The following DLGAP2 variants were observed in gnomAD, a reference collection of about 807,000 sequenced individuals.
The protein encoded by DLGAP2 is disks large-associated protein 2.
A neutral mutation model predicts 100.3 loss-of-function variants in DLGAP2; 26 were observed. The observed-to-expected ratio is 0.26, with a 90% CI of 0.19 to 0.36. DLGAP2 has a LOEUF of 0.36. DLGAP2 is among the 10% of genes least tolerant of loss of function. The probability of loss-of-function intolerance (pLI) is 1.00; values close to 1 mark genes in which losing one functional copy is unlikely to be tolerated. For missense variants in DLGAP2, 1,858 were observed against 1,453.2 expected, an observed-to-expected ratio of 1.28 and a Z score of -4.53; for synonymous variants, 886 against 630.1, an observed-to-expected ratio of 1.41 and a Z score of -6.08.
At chr8:1,577,679 C>G (rs1159939116) in intron 6 of DLGAP2, among the ~76,000 whole-genome samples, 1 of 152,104 alleles carries the variant, frequency 6.6e-6, no homozygotes, top group African/African-American at 2.4e-5. Context: ...GAGGCTGCAG[C>G]CTGGTGTCCC....
intron 2 of DLGAP2, among the ~76,000 whole-genome samples, chr8:1,006,277 C>T (rs1020741598): frequency 9.9e-5 from 15 of 152,190 alleles, no homozygotes; most frequent in Non-Finnish European, 1.8e-4. Flanking sequence ...GAGGATTGTG[C>T]CTTTATCACA....
intron 3 of DLGAP2, among the ~76,000 whole-genome samples, chr8:1,358,069 C>A (rs977137660): frequency 6.6e-6 from 1 of 152,170 alleles, no homozygotes; most frequent in African/African-American, 2.4e-5. Flanking sequence ...GGGGCACAGG[C>A]AGCGTCAGAA....
At chr8:1,353,410 G>C (rs1411083008) in intron 3 of DLGAP2, among the ~76,000 whole-genome samples, 2 of 152,208 alleles carry the variant, frequency 1.3e-5, no homozygotes, top group Non-Finnish European at 2.9e-5. Context: ...TCAGTACCAT[G>C]GTCAATGAAT....
At chr8:1,689,159 G>A (rs575968901) in intron 12 of DLGAP2, among the ~76,000 whole-genome samples, 9 of 152,290 alleles carry the variant, frequency 5.9e-5, no homozygotes, top group Middle Eastern at 3.4e-3. Context: ...CCTCGGTTTC[G>A]ACTTCTGGAA....
At chr8:1,302,607 C>G (rs927147222) in intron 3 of DLGAP2, 1 of 152,284 alleles carries the variant, frequency 6.6e-6, no homozygotes, top group Non-Finnish European at 1.5e-5. Context: ...TCGGTATTTT[C>G]TGTAGGTTCC....
chr8:1,499,847 A>G (rs1799656374), intron 3 of DLGAP2, among the ~76,000 whole-genome samples: 1 of 152,156 alleles, frequency 6.6e-6, no homozygotes, highest in Non-Finnish European at 1.5e-5. Context: ...CCAAACCTCT[A>G]CGAACTTATT....
chr8:1,622,036 T>C (rs573998549), intron 6 of DLGAP2: 71 of 152,372 alleles, frequency 4.7e-4, no homozygotes, highest in Non-Finnish European at 7.8e-4. Context: ...ATCCAGTCAT[T>C]AATTGTGATA....
At chr8:868,497 C>T (rs1219821029) in intron 1 of DLGAP2, among the ~76,000 whole-genome samples, 1 of 152,240 alleles carries the variant, frequency 6.6e-6, no homozygotes, top group Admixed American at 6.5e-5. Context: ...CACTGTTTCA[C>T]AGCCCCACAG....
Position 1,307,767 on chromosome 8 carries a change from C to G in DLGAP2, c.106+48884C>G, listed in dbSNP as rs191571463. On this transcript the variant is annotated intron_variant, in intron 3 of 14. Transcript: ENST00000637795. ...TCCACAAAATGAAATTCGCCCGTCA[C>G]AAAAGGAGAGTGACTGTGATTCCCC... 2.0e-5 allele frequency among the ~76,000 whole-genome samples: 3 copies of G among 152,250 alleles called. No homozygotes were observed. The East Asian group carries it at 5.8e-4, about 29-fold the overall frequency.
intron 1 of DLGAP2, among the ~76,000 whole-genome samples, chr8:849,261 G>C (rs1002898169): frequency 1.3e-5 from 2 of 152,220 alleles, no homozygotes; most frequent in Non-Finnish European, 1.5e-5. Flanking sequence ...GCACGTTGCA[G>C]CATAGGATCA....
At chr8:801,451 C>T (rs4735929) in intron 1 of DLGAP2, among the ~76,000 whole-genome samples, 150,238 of 152,340 alleles carry the variant, frequency 0.99, 74,111 homozygotes, top group Middle Eastern at 1. Flanking sequence ...AAGTGCTGCC[C>T]TCATTAGGAT....
At chr8:849,405 T>C (rs1797138645) in intron 1 of DLGAP2, among the ~76,000 whole-genome samples, 1 of 152,198 alleles carries the variant, frequency 6.6e-6, no homozygotes, top group Non-Finnish European at 1.5e-5. Flanking sequence ...CTACTGTAAA[T>C]ACTGAGCGCA....
intron 6 of DLGAP2, among the ~76,000 whole-genome samples, chr8:1,626,399 C>T (rs1169547205): frequency 3.3e-5 from 4 of 120,732 alleles, no homozygotes; most frequent in African/African-American, 6.9e-5. Context: ...ACGGCTGTTC[C>T]CATCTCTACC....
intron 3 of DLGAP2, among the ~76,000 whole-genome samples, chr8:1,270,515 T>G (rs1043660021): frequency 6.6e-6 from 1 of 152,224 alleles, no homozygotes; most frequent in African/African-American, 2.4e-5. Flanking sequence ...ATGCAGGCTC[T>G]AAGCCCAGCG....
chr8:1,542,639 C>T (rs376802996), intron 4 of DLGAP2, among the ~76,000 whole-genome samples: 13 of 152,256 alleles, frequency 8.5e-5, no homozygotes, highest in Admixed American at 5.2e-4. Flanking sequence ...TCCATTCATC[C>T]GTCGGGCAGC....
intron 2 of DLGAP2, among the ~76,000 whole-genome samples, chr8:952,753 G>A (rs1001932334): frequency 4.6e-5 from 7 of 152,152 alleles, no homozygotes; most frequent in Admixed American, 6.5e-5. Flanking sequence ...GTGATGAGTA[G>A]CATTATTTTA....
chr8:1,300,294 T>G (rs1800302245), intron 3 of DLGAP2: 1 of 152,128 alleles, frequency 6.6e-6, no homozygotes, highest in African/African-American at 2.4e-5. Context: ...GGCTGGCCCC[T>G]GGAGTGGGTA....
intron 1 of DLGAP2, among the ~76,000 whole-genome samples, chr8:862,196 C>T (rs767091596): frequency 2.0e-5 from 3 of 152,118 alleles, no homozygotes; most frequent in East Asian, 1.9e-4. Context: ...AAATAATCCA[C>T]GGGCTGAGTC....
chr8:1,171,910 A>G (rs959942985), intron 2 of DLGAP2, among the ~76,000 whole-genome samples: 3 of 152,066 alleles, frequency 2.0e-5, no homozygotes, highest in African/African-American at 7.2e-5. Flanking sequence ...TTATGTGTGA[A>G]TTTGATCCTG....
Sources: gnomAD v4.1 joint callset for allele counts (sites outside exome capture counted in the v4.1 genomes callset) on GRCh38, gnomAD v4.1.1 for gene constraint, MANE v1.5 for transcripts, NCBI Gene and HGNC (gene_info 2026-07-23, HGNC 2026-07-21) for gene names.